PRAMEF15: variants seen among roughly 807,000 people sequenced by gnomAD.
PRAMEF15 encodes PRAME family member 9/15.
In PRAMEF15, 21 loss-of-function variants were observed where a neutral mutation model predicts 35.3. That is an observed-to-expected ratio of 0.59 (90% CI 0.42 to 0.86). The LOEUF (loss-of-function observed/expected upper bound fraction) is 0.86. Among genes scored for constraint, PRAMEF15 ranks in the 40% least tolerant of loss-of-function variants. The pLI, the probability that PRAMEF15 is intolerant of heterozygous loss-of-function variation, is 0.00. For synonymous variants in PRAMEF15, 122 were observed against 223.3 expected (o/e 0.55, Z 4.05); for missense variants, 360 against 574.1 (o/e 0.63, Z 3.81).
Position 13,321,791 on chromosome 1 carries a change from A to G in PRAMEF15, c.964A>G (p.Ile322Val). 1 of 1,608,832 alleles carries G rather than the reference A, an allele frequency of 6.2e-7. No homozygotes were observed. Among genetic ancestry groups the G allele is most frequent in the East Asian group, 2.3e-5 (1 of 43,868 alleles). ...GAAGCATCTATCCCAGTGCCCGAGTATCAGTCAACTAAAGACCCTGGACCT... is the reference window on the plus strand; with the variant it reads ...GAAGCATCTATCCCAGTGCCCGAGTGTCAGTCAACTAAAGACCCTGGACCT... ...DLKHLSQCPS[I>V]SQLKTLDLSG... is the part of the protein sequence containing the mutation. The change falls in exon 4 of 4, where the codon ATC becomes GTC. Residue 322 changes from isoleucine (I) to valine (V), a missense_variant. By Grantham distance (29) the Ile-to-Val change is conservative. Transcript: ENST00000376152.
At chr1:13,318,922 G>C (rs2100320128) in intron 2 of PRAMEF15, among the ~76,000 whole-genome samples, 1 of 152,058 alleles carries the variant, frequency 6.6e-6, no homozygotes. Flanking sequence ...ACCATGAAAA[G>C]TGAGAACTGG....
intron 1 of PRAMEF15, among the ~76,000 whole-genome samples, chr1:13,317,357 A>G (rs1431000690): frequency 1.3e-5 from 2 of 151,834 alleles, no homozygotes; most frequent in Non-Finnish European, 2.9e-5. Context: ...GGTGTGAGTC[A>G]CTGCACCCAG....
chr1:13,317,793 G>C (rs1640025801), intron 1 of PRAMEF15, among the ~76,000 whole-genome samples: 1 of 146,494 alleles, frequency 6.8e-6, no homozygotes. Context: ...GAGAGAGGGA[G>C]AGAGAGAAAG....
Position 13,322,023 on chromosome 1 carries a change from A to G in PRAMEF15, c.1196A>G (p.Asn399Ser), listed in dbSNP as rs1640090789. Residue 399 changes from asparagine (N) to serine (S), a missense_variant, in exon 4 of 4, where the codon AAC (asparagine) becomes AGC (serine). Around this residue, in one of 8 missense-constraint regions of PRAMEF15, gnomAD observed 147 missense variants for 123.5 expected, o/e 1.19. Coordinates refer to ENST00000376152, the MANE Select transcript of PRAMEF15 (RefSeq NM_001098376.3). ...CCCATCTGCATGGCCACCCTGGAGAACCTGCTGAGCCACACAATCATACTC... is the reference window on the plus strand; with the variant it reads ...CCCATCTGCATGGCCACCCTGGAGAGCCTGCTGAGCCACACAATCATACTC... ...GNPICMATLE[N>S]LLSHTIILKN... The G allele has an allele frequency of 6.2e-7, 1 of 1,609,856 alleles. No individual in the cohort carries two copies. Among genetic ancestry groups the G allele is most frequent in the African/African-American group, 1.3e-5 (1 of 74,802 alleles).
chr1:13,316,788 T>G (rs1259265154), intron 1 of PRAMEF15, among the ~76,000 whole-genome samples: 7 of 151,852 alleles, frequency 4.6e-5, no homozygotes, highest in Admixed American at 3.3e-4. Context: ...AAATTTGATG[T>G]GGCCAAGGAT....
intron 1 of PRAMEF15, among the ~76,000 whole-genome samples, chr1:13,316,966 A>G (rs1640012661): frequency 6.7e-6 from 1 of 148,368 alleles, no homozygotes; most frequent in South Asian, 2.1e-4. Context: ...CTATCCCGAA[A>G]TCTTTCATTT....
chr1:13,320,319 G>A lies in PRAMEF15; in HGVS notation c.875+366G>A, dbSNP rs1640066816. ...CATGCCTGTAATCCTATCACTTTGG[G>A]AGTCTGAGGCAAGAGGATAGCTTGA... On this transcript the variant is annotated intron_variant, in intron 3 of 3. Coordinates refer to ENST00000376152, the MANE Select transcript of PRAMEF15 (RefSeq NM_001098376.3). Among the ~76,000 whole-genome samples, 6 of 152,110 alleles carry A rather than the reference G, an allele frequency of 3.9e-5. No individual in the cohort carries two copies. In the South Asian group the frequency reaches 1.2e-3, roughly 32 times the overall value.
intron 1 of PRAMEF15, among the ~76,000 whole-genome samples, chr1:13,316,067 T>C (rs1639998527): frequency 6.6e-6 from 1 of 151,180 alleles, no homozygotes; most frequent in East Asian, 1.9e-4. Flanking sequence ...TGGCACGATC[T>C]CAACTCCCTG....
intron 1 of PRAMEF15, among the ~76,000 whole-genome samples, chr1:13,316,633 C>G (rs1399009646): frequency 6.6e-6 from 1 of 151,610 alleles, no homozygotes; most frequent in Non-Finnish European, 1.5e-5. Flanking sequence ...CCAGCTTGGG[C>G]GACGATGTGA....
chr1:13,317,373 A>G (rs2797719), intron 1 of PRAMEF15, among the ~76,000 whole-genome samples: 12,724 of 146,502 alleles, frequency 0.087, 652 homozygotes, highest in East Asian at 0.19. Flanking sequence ...CCCAGCCAAA[A>G]TGGTTCAGTT....
At chr1:13,321,363 C>G (rs1213254134) in intron 3 of PRAMEF15, among the ~76,000 whole-genome samples, 7,456 of 151,126 alleles carry the variant, frequency 0.049, 358 homozygotes, top group East Asian at 0.27. Context: ...TGCAGGCTCC[C>G]GCCACCACAC....
At chr1:13,320,479 A>G (rs1241359876) in intron 3 of PRAMEF15, among the ~76,000 whole-genome samples, 1 of 152,056 alleles carries the variant, frequency 6.6e-6, no homozygotes, top group African/African-American at 2.4e-5. Flanking sequence ...GCTACAGTGC[A>G]GTTGTGACAT....
intron 2 of PRAMEF15, 35 bp from the exon 3 acceptor site, chr1:13,319,337 C>A (rs1640049558): frequency 3.7e-6 from 6 of 1,606,428 alleles, no homozygotes; most frequent in Non-Finnish European, 5.1e-6. Flanking sequence ...GAAATGAGTT[C>A]TTAAATTCTC....
At position 13,322,095 on chromosome 1, in the gene PRAMEF15, G is replaced by T. The variant is rs1468962098; in HGVS notation, c.1268G>T (p.Gly423Val). ...TATCCTGCCCCCCGAGAGAGTTATG[G>T]TGCTGATGGTACTCTCTGCTGGAGC... ...ELYPAPRESY[G>V]ADGTLCWSRF... The change falls in exon 4 of 4, where the codon GGT (glycine) becomes GTT (valine). Residue 423 changes from glycine to valine, a missense_variant. Gly to Val is a moderately radical substitution (Grantham distance 109, BLOSUM62 -3). Coordinates refer to ENST00000376152, the MANE Select transcript of PRAMEF15 (RefSeq NM_001098376.3). 2 of 1,609,496 alleles carry T rather than the reference G, an allele frequency of 1.2e-6. No individual in the cohort carries two copies. The highest frequency in any genetic ancestry group is 2.2e-5 in the South Asian group (2 of 90,728).
rs1403489180 is a variant in PRAMEF15, at chr1:13,317,495, T to C, written c.-16-897T>C. Among the ~76,000 whole-genome samples, 1,101 of 144,232 alleles carry C rather than the reference T, an allele frequency of 7.6e-3. No homozygotes were observed. In the East Asian group the frequency reaches 0.081, roughly 11 times the overall value. The allele number at this position is 144,232 out of a possible 152,430, so 94.6% of individuals were successfully genotyped here. A position where few individuals can be genotyped will look rare whatever the true frequency, so the allele number is the denominator to read the frequency against. ...GAAATTTTCAATAATGAGGCTGGGG[T>C]GGAGGCTCACACCTATAATCCCAGT... On this transcript the variant is annotated intron_variant, in intron 1 of 3. Coordinates refer to ENST00000376152, the MANE Select transcript of PRAMEF15 (RefSeq NM_001098376.3).
At position 13,321,835 on chromosome 1, in the gene PRAMEF15, C is replaced by A. The variant is rs1270647250; in HGVS notation, c.1008C>A (p.Thr336=). 12 of 1,607,560 alleles carry A rather than the reference C, an allele frequency of 7.5e-6. No individual in the cohort carries two copies. The highest frequency in any genetic ancestry group is 6.9e-5 in the East Asian group (3 of 43,632). Residue 336 remains threonine, a synonymous_variant, in exon 4 of 4, where the codon ACC becomes ACA. Transcript: ENST00000376152. ...TGGACCTGAGTGGCATCAGACTGAC[C>A]AATTATAGTCTTGTGCCTCTCCAAA... is the stretch of plus-strand genomic sequence containing the variant. ...KTLDLSGIRL[T]NYSLVPLQIL...
chr1:13,321,737 A>G lies in PRAMEF15; in HGVS notation c.910A>G (p.Thr304Ala). ...LKTSLKVLTI[T>A]NCVLLESDLK... ...GACCTCGTTAAAAGTCCTCACAATA[A>G]CTAACTGTGTGCTTTTGGAATCAGA... Residue 304 changes from threonine (T) to alanine (A), a missense_variant, in exon 4 of 4, where the codon ACT becomes GCT. Transcript: ENST00000376152. 8 of 1,608,370 alleles carry G rather than the reference A, an allele frequency of 5.0e-6. 1 individual carries two copies. The highest frequency in any genetic ancestry group is 5.9e-6 in the Non-Finnish European group (7 of 1,177,558).
chr1:13,317,108 T>A (rs1640014573), intron 1 of PRAMEF15, among the ~76,000 whole-genome samples: 1 of 151,424 alleles, frequency 6.6e-6, no homozygotes, highest in African/African-American at 2.4e-5. Context: ...TCTAGCCTAT[T>A]CCCCAGGCTG....
chr1:13,315,787 T>C (rs1185962564), intron 1 of PRAMEF15, 129 bp downstream of exon 1: 1 of 149,878 alleles, frequency 6.7e-6, no homozygotes, highest in East Asian at 1.9e-4. Flanking sequence ...ATATGAACAA[T>C]TGGAAGCTTT....
Sources: allele counts gnomAD v4.1 joint callset (sites outside exome capture counted in the v4.1 genomes callset), GRCh38; gene constraint gnomAD v4.1.1; regional missense constraint gnomAD v4.1.1; transcripts MANE v1.5; gene names NCBI Gene and HGNC (gene_info 2026-07-23, HGNC 2026-07-21).